The following URI1 variants were observed in gnomAD, a reference collection of about 807,000 sequenced individuals.
URI1 encodes unconventional prefoldin RPB5 interactor 1.
A neutral mutation model predicts 60.2 loss-of-function variants in URI1; 39 were observed. That is an observed-to-expected ratio of 0.65 (90% CI 0.50 to 0.85). The LOEUF is 0.85. Ranked by LOEUF, URI1 falls within the 40% of genes least tolerant of loss-of-function variation. URI1 has a pLI of 0.00. For missense variants in URI1, 691 were observed against 665.9 expected, an observed-to-expected ratio of 1.04 and a Z score of -0.42; for synonymous variants, 251 against 236.8, an observed-to-expected ratio of 1.06 and a Z score of -0.55.
chr19:29,926,216 T>A (rs1442361473), intron 1 of URI1, among the ~76,000 whole-genome samples: 1 of 150,972 alleles, frequency 6.6e-6, no homozygotes, highest in Admixed American at 6.6e-5. Context: ...ATAAAAATCT[T>A]CTCTCTTTCT....
At chr19:29,961,067 C>T (rs1182903865) in intron 1 of URI1, among the ~76,000 whole-genome samples, 2 of 151,666 alleles carry the variant, frequency 1.3e-5, no homozygotes, top group Admixed American at 6.6e-5. Context: ...CACTATGTTG[C>T]CCAGGGTGGT....
rs779931177 is a variant in URI1, at chr19:30,015,014, A to G, written c.1553A>G (p.Glu518Gly). Reference protein sequence around the residue: ...RKEVLLEASEETGKRVSKFKA... With the variant: ...RKEVLLEASEGTGKRVSKFKA... ...GAAGTTCTGTTGGAAGCATCTGAAG[A>G]AACTGGAAAGAGGGTTTCAAAGTTT... Residue 518 changes from glutamate (E) to glycine (G), a missense_variant, in exon 11 of 11, where the codon GAA becomes GGA. Coordinates refer to ENST00000392271, the MANE Select transcript of URI1 (RefSeq NM_003796.3). 2 of 1,613,736 alleles carry G rather than the reference A, an allele frequency of 1.2e-6. No homozygotes were observed. Among genetic ancestry groups the G allele is most frequent in the African/African-American group, 2.7e-5 (2 of 74,932 alleles).
At chr19:29,957,104 G>T in intron 1 of URI1, 1 of 468,384 alleles carries the variant, frequency 2.1e-6, no homozygotes, top group Non-Finnish European at 3.8e-6. Flanking sequence ...TTATCAGCAG[G>T]AAAACCGTAA....
At chr19:29,985,387 TGGA>T in intron 3 of URI1, 86 bp downstream of exon 3, 1 of 1,160,722 alleles carries the variant, frequency 8.6e-7, no homozygotes, top group Non-Finnish European at 1.3e-6. Context: ...GTCAGGCTGA[TGGA>T]CTGTGTCCAA....
chr19:29,992,013 G>A (rs751436597), intron 4 of URI1, among the ~76,000 whole-genome samples: 5 of 152,036 alleles, frequency 3.3e-5, no homozygotes, highest in South Asian at 2.1e-4. Flanking sequence ...TTTGCATGGC[G>A]TATATTTTTC....
chr19:29,986,092 C>T (rs1301093266), intron 3 of URI1, among the ~76,000 whole-genome samples, 190 bp from the exon 4 acceptor site: 1 of 152,008 alleles, frequency 6.6e-6, no homozygotes. Flanking sequence ...GAACATAAAG[C>T]AATTTTCTTT....
exon 1 of URI1, chr19:29,923,753 T>G (rs749216097): frequency 1.3e-6 from 2 of 1,536,506 alleles, no homozygotes; most frequent in African/African-American, 2.7e-5. Flanking sequence ...GCATATGCAT[T>G]GGTGAGTTGA....
chr19:29,934,739 TA>T (rs2145203790), intron 1 of URI1, among the ~76,000 whole-genome samples: 1 of 152,234 alleles, frequency 6.6e-6, no homozygotes, highest in East Asian at 1.9e-4. Context: ...TATTTATTTT[TA>T]GAGACCAGGT....
intron 4 of URI1, among the ~76,000 whole-genome samples, chr19:30,001,253 A>C (rs1305252730): frequency 6.6e-6 from 1 of 152,032 alleles, no homozygotes; most frequent in East Asian, 1.9e-4. Context: ...CTGTGTGCAT[A>C]GGCAAGGTTT....
intron 1 of URI1, among the ~76,000 whole-genome samples, chr19:29,959,776 A>AATTTTAT (rs2055299001): frequency 7.0e-6 from 1 of 142,750 alleles, no homozygotes; most frequent in South Asian, 2.3e-4. Flanking sequence ...AGGGTTTATC[A>AATTTTAT]ATTTTATATT....
At chr19:29,955,121 A>AT (rs376817578) in intron 1 of URI1, among the ~76,000 whole-genome samples, 6,842 of 140,768 alleles carry the variant, frequency 0.049, 193 homozygotes, top group South Asian at 0.094. Flanking sequence ...AGCCAAGCTA[A>AT]TTTTTTTTTT....
chr19:29,934,520 C>T (rs1238052203), intron 1 of URI1, among the ~76,000 whole-genome samples: 1 of 152,094 alleles, frequency 6.6e-6, no homozygotes, highest in Non-Finnish European at 1.5e-5. Flanking sequence ...TGTGTACACA[C>T]ATGCTACTGT....
rs767820169 is a variant in URI1 at position 29,984,964 on chromosome 19, A to G, written c.153-259A>G. 1.8e-4 allele frequency among the ~76,000 whole-genome samples: 28 copies of G among 151,798 alleles called. 1 individual carries two copies. Among genetic ancestry groups the G allele is most frequent in the Non-Finnish European group, 2.9e-5 (2 of 67,938 alleles). ...GTGAAACCTCCTCTCTACTGAAAAT[A>G]CAAAAACTAGCCTTGCATGGTGGCG... On this transcript the variant is annotated intron_variant, in intron 2 of 10. Coordinates refer to ENST00000392271, the MANE Select transcript of URI1 (RefSeq NM_003796.3).
rs915723194 is a variant in URI1 at position 29,942,389 on chromosome 19, G to C, written c.-159G>C. The C allele has an allele frequency of 3.1e-6, 3 of 983,536 alleles. No homozygotes were observed. The African/African-American group carries it at 5.3e-5, about 17-fold the overall frequency. The allele number at this position is 983,536 out of a possible 1,614,324, so 60.9% of individuals were successfully genotyped here. A position where few individuals can be genotyped will look rare whatever the true frequency, so the allele number is the denominator to read the frequency against. ...TGTGAGATGCGGCAGCGGGCGGCGC[G>C]GACGCGAACAGCAGCGGCGGCGGCG... On this transcript the variant is annotated 5_prime_UTR_variant, in exon 1 of 11. Transcript: ENST00000392271.
In URI1 at chr19:29,986,386, G is replaced by A. The variant is rs1189787530; in HGVS notation, c.336G>A (p.Gln112=). ...DNWFAKCSAK[Q]AVGLVEHRKE... ...GGTTTGCAAAGTGCTCAGCAAAGCA[G>A]GCTGTAGGTTTAGTTGAGCACCGGA... Residue 112 remains glutamine, a synonymous_variant, in exon 4 of 11, where the codon CAG becomes CAA. Transcript: ENST00000392271. 2 of 1,610,052 alleles carry A rather than the reference G, an allele frequency of 1.2e-6. No homozygotes were observed. Among genetic ancestry groups the A allele is most frequent in the Non-Finnish European group, 1.7e-6 (2 of 1,179,308 alleles).
intron 1 of URI1, among the ~76,000 whole-genome samples, chr19:29,933,872 TTC>T (rs1486505586): frequency 1.3e-5 from 2 of 151,974 alleles, no homozygotes; most frequent in African/African-American, 2.4e-5. Context: ...TCTATCATTT[TTC>T]TGTTTTCTGT....
At chr19:29,990,593 A>G (rs1217252217) in intron 4 of URI1, among the ~76,000 whole-genome samples, 2 of 152,228 alleles carry the variant, frequency 1.3e-5, no homozygotes, top group African/African-American at 2.4e-5. Flanking sequence ...AAAACATTAG[A>G]ATAAATTAAA....
At chr19:29,951,949 T>C (rs191102881) in intron 1 of URI1, among the ~76,000 whole-genome samples, 2 of 152,350 alleles carry the variant, frequency 1.3e-5, no homozygotes, top group Non-Finnish European at 2.9e-5. Context: ...TGACTGTTTC[T>C]TCCAAGAGCC....
intron 2 of URI1, among the ~76,000 whole-genome samples, chr19:29,984,914 G>A (rs1257469740): frequency 6.6e-6 from 1 of 151,880 alleles, no homozygotes; most frequent in South Asian, 2.1e-4. Flanking sequence ...GAGGTCAGGA[G>A]TTCAAGACCA....
Sources: allele counts gnomAD v4.1 joint callset (sites outside exome capture counted in the v4.1 genomes callset), GRCh38; gene constraint gnomAD v4.1.1; transcripts MANE v1.5; gene names NCBI Gene and HGNC (gene_info 2026-07-23, HGNC 2026-07-21).